ADAM12: variants seen among roughly 807,000 people sequenced by gnomAD.
The protein encoded by ADAM12 is ADAM metallopeptidase domain 12.
ADAM12 carries 70 observed loss-of-function variants against 106.4 expected under a neutral mutation model. The ratio of observed to expected loss-of-function variants is 0.66; its 90% CI spans 0.54 to 0.80. The LOEUF (loss-of-function observed/expected upper bound fraction) is 0.80. Among genes scored for constraint, ADAM12 ranks in the 30% least tolerant of loss-of-function variants. The probability of loss-of-function intolerance (pLI) is 0.00; values close to 1 mark genes in which losing one functional copy is unlikely to be tolerated. For synonymous variants in ADAM12, 420 were observed against 433.5 expected, an observed-to-expected ratio of 0.97 and a Z score of 0.39; for missense variants, 1,010 against 1,171.9, an observed-to-expected ratio of 0.86 and a Z score of 2.02.
chr10:126,015,140 G>A lies in ADAM12; in HGVS notation c.*2139C>T, dbSNP rs1479387117. 1 of 152,166 alleles carries A rather than the reference G, an allele frequency of 6.6e-6. No homozygotes were observed. Among genetic ancestry groups the A allele is most frequent in the Non-Finnish European group, 1.5e-5 (1 of 68,030 alleles). 9.4% of individuals were successfully genotyped at this position (152,166 alleles called of 1,614,324 possible). ...GAGATAAGAATGTGTCATCAGCCATGGCCCCTAAGTGGCCATTGATGACAT... is the reference window on the plus strand; with the variant it reads ...GAGATAAGAATGTGTCATCAGCCATAGCCCCTAAGTGGCCATTGATGACAT... On this transcript the variant is annotated 3_prime_UTR_variant, in exon 23 of 23. Transcript: ENST00000448723.
At position 126,199,343 on chromosome 10, in the gene ADAM12, G is replaced by A. The variant is rs139916183; in HGVS notation, c.261-44038C>T. Reference sequence around the variant, plus strand: ...GCCTGACCATCCCGCTGAAATGGCCGGTGTTCATTTCAAGTCATGCCAACA... The same window carrying A: ...GCCTGACCATCCCGCTGAAATGGCCAGTGTTCATTTCAAGTCATGCCAACA... On this transcript the variant is annotated intron_variant, in intron 3 of 22. Transcript: ENST00000448723. Among the ~76,000 whole-genome samples, 36 of 152,248 alleles carry A rather than the reference G, an allele frequency of 2.4e-4. No homozygotes were observed. In the East Asian group the frequency reaches 5.0e-3, roughly 21 times the overall value.
chr10:126,026,144 G>A lies in ADAM12; in HGVS notation c.2530-6319C>T, dbSNP rs151144485. On this transcript the variant is annotated intron_variant, in intron 21 of 22. Transcript: ENST00000448723. Reference sequence around the variant, plus strand: ...CACAGGCTCAAAACAAAGGGATGGAGGAAAATTTACCAGGCAAATGGAAAA... The same window carrying A: ...CACAGGCTCAAAACAAAGGGATGGAAGAAAATTTACCAGGCAAATGGAAAA... Among the ~76,000 whole-genome samples, 685 of 152,232 alleles carry A rather than the reference G, an allele frequency of 4.5e-3. 1 individual carries two copies. The highest frequency in any genetic ancestry group is 6.1e-3 in the Non-Finnish European group (418 of 67,996).
intron 1 of ADAM12, among the ~76,000 whole-genome samples, chr10:126,354,109 C>G (rs984758899): frequency 8.6e-5 from 13 of 151,530 alleles, no homozygotes; most frequent in African/African-American, 3.2e-4. Flanking sequence ...ACTTCATCCT[C>G]CCTCCATCAA....
rs1375335806 is a variant in ADAM12 at position 126,086,664 on chromosome 10, AAAAAAAAAAAAAAAAAATATATAT to A, written c.1145+7297_1145+7320del. Among the ~76,000 whole-genome samples the A allele has an allele frequency of 1.1e-3, 55 of 48,384 alleles. 3 individuals carry two copies. The highest frequency in any genetic ancestry group is 9.5e-3 in the African/African-American group (54 of 5,680). The allele number at this position is 48,384 out of a possible 152,430, so 31.7% of individuals were successfully genotyped here. A position where few individuals can be genotyped will look rare whatever the true frequency, so the allele number is the denominator to read the frequency against. On this transcript the variant is annotated intron_variant, in intron 11 of 22. Coordinates refer to ENST00000448723, the MANE Select transcript of ADAM12 (RefSeq NM_001288973.2). ...TGGACTCTGCCTCAAAAAAAAAAAA[AAAAAAAAAAAAAAAAAATATATAT>A]ATATATATATATATATATAAAATAA... is the stretch of plus-strand genomic sequence containing the variant.
At chr10:126,045,930 A>G in intron 17 of ADAM12, 125 bp downstream of exon 17, 1 of 807,320 alleles carries the variant, frequency 1.2e-6, no homozygotes, top group South Asian at 1.7e-5. Flanking sequence ...TTAGAAGAAA[A>G]TATTTCAAAC....
At chr10:126,330,916 T>C (rs1342662220) in intron 1 of ADAM12, among the ~76,000 whole-genome samples, 2 of 152,224 alleles carry the variant, frequency 1.3e-5, no homozygotes, top group African/African-American at 4.8e-5. Context: ...AATCCATTTA[T>C]TTAAGTCCCA....
chr10:126,046,183 C>T, intron 16 of ADAM12, 51 bp from the exon 17 acceptor site: 1 of 1,521,186 alleles, frequency 6.6e-7, no homozygotes, highest in South Asian at 1.1e-5. Context: ...TCCAACCCCT[C>T]CAGCATGCAT....
At chr10:126,339,304 C>T (rs1241448742) in intron 1 of ADAM12, among the ~76,000 whole-genome samples, 4 of 152,312 alleles carry the variant, frequency 2.6e-5, no homozygotes, top group East Asian at 3.9e-4. Context: ...TCAAATTCAA[C>T]GTGTTTAAAA....
At position 126,204,877 on chromosome 10, in the gene ADAM12, G is replaced by A. The variant is rs117493308; in HGVS notation, c.261-49572C>T. Among the ~76,000 whole-genome samples, 380 of 152,250 alleles carry A rather than the reference G, an allele frequency of 2.5e-3. 2 individuals carry two copies. The highest frequency in any genetic ancestry group is 4.3e-3 in the Non-Finnish European group (294 of 68,014). On this transcript the variant is annotated intron_variant, in intron 3 of 22. Coordinates refer to ENST00000448723, the MANE Select transcript of ADAM12 (RefSeq NM_001288973.2). ...CTTTGTCACAACTACCCAACTCTGC[G>A]CTATTCTAAGTAGATTAGATAGGTT... is the stretch of plus-strand genomic sequence containing the variant.
At chr10:126,068,578 G>A (rs1954921066) in intron 12 of ADAM12, among the ~76,000 whole-genome samples, 1 of 152,208 alleles carries the variant, frequency 6.6e-6, no homozygotes, top group African/African-American at 2.4e-5. Flanking sequence ...CTGTTAGCTG[G>A]AAGAATGAGT....
In ADAM12 at chr10:126,066,010, G is replaced by T. The variant is rs536239500; in HGVS notation, c.1413+707C>A. 6.6e-6 allele frequency among the ~76,000 whole-genome samples: 1 copy of T among 152,262 alleles called. No individual in the cohort carries two copies. Among genetic ancestry groups the T allele is most frequent in the South Asian group, 2.1e-4 (1 of 4,826 alleles). On this transcript the variant is annotated intron_variant, in intron 13 of 22. Transcript: ENST00000448723. The surrounding 1 kb of genome is among the most constrained non-coding windows in gnomAD (Gnocchi z 5.1). ...TGTTATAATGCACTTCTAAATCACCGTGCTCACGTGGGGCAGCTAAGAGGG... is the reference window on the plus strand; with the variant it reads ...TGTTATAATGCACTTCTAAATCACCTTGCTCACGTGGGGCAGCTAAGAGGG...
intron 3 of ADAM12, among the ~76,000 whole-genome samples, chr10:126,203,911 A>C (rs1038419313): frequency 3.4e-5 from 5 of 148,750 alleles, no homozygotes; most frequent in Non-Finnish European, 7.5e-5. Context: ...GGAGAAATCA[A>C]GCAAATCAGA....
At chr10:126,210,295 A>G (rs768596409) in intron 3 of ADAM12, among the ~76,000 whole-genome samples, 1 of 152,144 alleles carries the variant, frequency 6.6e-6, no homozygotes, top group African/African-American at 2.4e-5. Flanking sequence ...TGGTCATTCT[A>G]TAAATGTTAT....
intron 2 of ADAM12, among the ~76,000 whole-genome samples, chr10:126,316,019 G>GA (rs1853853433): frequency 1.3e-5 from 2 of 152,168 alleles, no homozygotes; most frequent in African/African-American, 4.8e-5. Context: ...GAATAGGCAC[G>GA]ACCAGAGATT....
At chr10:126,032,388 C>T (rs753676385) in intron 21 of ADAM12, among the ~76,000 whole-genome samples, 3 of 152,172 alleles carry the variant, frequency 2.0e-5, no homozygotes, top group Non-Finnish European at 4.4e-5. Context: ...TAGAAAAGTT[C>T]CAGACAGACA....
intron 3 of ADAM12, among the ~76,000 whole-genome samples, chr10:126,218,084 C>T (rs1360955128): frequency 6.6e-6 from 1 of 151,544 alleles, no homozygotes; most frequent in East Asian, 1.9e-4. Flanking sequence ...GTACTTCAGT[C>T]ACACTGAGCT....
At chr10:126,374,008 G>C (rs1405813139) in intron 1 of ADAM12, among the ~76,000 whole-genome samples, 2 of 152,182 alleles carry the variant, frequency 1.3e-5, no homozygotes, top group Non-Finnish European at 1.5e-5. Context: ...CAAGTCACCA[G>C]GGCTAGAAAA....
intron 2 of ADAM12, among the ~76,000 whole-genome samples, chr10:126,311,364 G>A (rs1961089014): frequency 6.6e-6 from 1 of 152,118 alleles, no homozygotes; most frequent in Non-Finnish European, 1.5e-5. Flanking sequence ...TAAAAAAGTA[G>A]CACAGTGCTT....
At chr10:126,226,399 G>A (rs1307889759) in intron 3 of ADAM12, among the ~76,000 whole-genome samples, 1 of 152,228 alleles carries the variant, frequency 6.6e-6, no homozygotes, top group Non-Finnish European at 1.5e-5. Flanking sequence ...TGGAGGGGAT[G>A]CGTGTGCAGC....
Sources: allele counts gnomAD v4.1 joint callset (sites outside exome capture counted in the v4.1 genomes callset), GRCh38; gene constraint gnomAD v4.1.1; non-coding constraint Gnocchi (gnomAD v3.1); transcripts MANE v1.5; gene names NCBI Gene and HGNC (gene_info 2026-07-23, HGNC 2026-07-21).